LYZL4: variants seen among roughly 807,000 people sequenced by gnomAD.
LYZL4 encodes the protein lysozyme-like protein 4.
Under a neutral mutation model 17.6 loss-of-function variants are expected in LYZL4, and 13 were observed. The observed-to-expected ratio is 0.74, with a 90% CI of 0.48 to 1.18. LYZL4 has a LOEUF of 1.18. Ranked by LOEUF, LYZL4 falls within the 50% of genes most tolerant of loss-of-function variation. LYZL4 has a pLI of 0.00. For missense variants in LYZL4, 174 were observed against 188.2 expected, an observed-to-expected ratio of 0.92 and a Z score of 0.44; for synonymous variants, 64 against 67.7, an observed-to-expected ratio of 0.95 and a Z score of 0.27.
the LYZL4 span, among the ~76,000 whole-genome samples, chr3:42,371,931 C>T: frequency 1.3e-5 from 2 of 152,174 alleles, no homozygotes; most frequent in Non-Finnish European, 2.9e-5. Context: ...GTTAATAGGG[C>T]GGGCATCACC....
At chr3:42,392,516 AT>A (rs563573225), downstream of LYZL4, among the ~76,000 whole-genome samples, 281 of 152,250 alleles carry the variant, frequency 1.8e-3, 3 homozygotes, top group African/African-American at 6.4e-3. Context: ...ATTTTGTGGG[AT>A]TTTTTCTTCT....
intron 4 of LYZL4, among the ~76,000 whole-genome samples, chr3:42,399,638 T>C (rs1698618946): frequency 6.6e-6 from 1 of 152,168 alleles, no homozygotes; most frequent in Non-Finnish European, 1.5e-5. Flanking sequence ...GGTACATTTT[T>C]CTCTGATTTC....
chr3:42,375,647 G>A, the LYZL4 span, among the ~76,000 whole-genome samples: 3 of 152,238 alleles, frequency 2.0e-5, no homozygotes, highest in Admixed American at 6.5e-5. Flanking sequence ...GAGGCAGGCT[G>A]GGGGCTGAGG....
chr3:42,373,423 T>C, the LYZL4 span, among the ~76,000 whole-genome samples: 3 of 152,058 alleles, frequency 2.0e-5, no homozygotes, highest in Non-Finnish European at 2.9e-5. Flanking sequence ...TAGGGCAACA[T>C]GGGACTGTGT....
At chr3:42,376,312 G>T in the LYZL4 span, among the ~76,000 whole-genome samples, 1 of 152,092 alleles carries the variant, frequency 6.6e-6, no homozygotes, top group Admixed American at 6.5e-5. Flanking sequence ...AACATTGTTG[G>T]TGCCCCCCCA....
intron 3 of LYZL4, 96 bp downstream of exon 3, chr3:42,406,750 G>T: frequency 6.7e-7 from 1 of 1,499,778 alleles, no homozygotes; most frequent in Non-Finnish European, 9.1e-7. Flanking sequence ...CCTCTTCTTT[G>T]TAAAACTTTG....
chr3:42,364,469 A>G, the LYZL4 span, among the ~76,000 whole-genome samples: 20 of 150,796 alleles, frequency 1.3e-4, no homozygotes, highest in African/African-American at 4.9e-4. Context: ...CAGCCTCCCA[A>G]GTAGCTGGGA....
chr3:42,391,459 G>A, the LYZL4 span, among the ~76,000 whole-genome samples: 16 of 152,214 alleles, frequency 1.1e-4, 1 homozygote, highest in South Asian at 3.3e-3. Flanking sequence ...GAATATAGGT[G>A]GCCCAAAAGA....
the LYZL4 span, among the ~76,000 whole-genome samples, chr3:42,379,712 A>C: frequency 1.3e-5 from 2 of 152,118 alleles, no homozygotes; most frequent in African/African-American, 4.8e-5. Context: ...GCAAAATCCC[A>C]AACTCCTCAA....
the LYZL4 span, among the ~76,000 whole-genome samples, chr3:42,378,026 C>T: frequency 6.6e-6 from 1 of 152,106 alleles, no homozygotes; most frequent in Non-Finnish European, 1.5e-5. Context: ...TCAGGGATGG[C>T]CAAGGGGGTG....
chr3:42,396,735 T>C (rs1698555007), downstream of LYZL4, among the ~76,000 whole-genome samples: 1 of 152,258 alleles, frequency 6.6e-6, no homozygotes, highest in Non-Finnish European at 1.5e-5. Context: ...TTTATAACTT[T>C]CAGAGACTTT....
the LYZL4 span, among the ~76,000 whole-genome samples, chr3:42,373,032 C>T: frequency 7.2e-5 from 11 of 152,026 alleles, no homozygotes; most frequent in African/African-American, 2.4e-4. Context: ...CATGGTGAGA[C>T]CTTGTCTCCA....
the LYZL4 span, among the ~76,000 whole-genome samples, chr3:42,363,497 T>G: frequency 6.6e-6 from 1 of 152,198 alleles, no homozygotes; most frequent in Non-Finnish European, 1.5e-5. Flanking sequence ...TGTTAACAAT[T>G]GTTCAATCTA....
chr3:42,384,229 T>G, the LYZL4 span, among the ~76,000 whole-genome samples: 2 of 152,164 alleles, frequency 1.3e-5, no homozygotes, highest in African/African-American at 4.8e-5. Flanking sequence ...GTCTCAAGTA[T>G]CAAGGTGGAA....
chr3:42,385,895 A>C, the LYZL4 span, among the ~76,000 whole-genome samples: 1 of 152,186 alleles, frequency 6.6e-6, no homozygotes, highest in Non-Finnish European at 1.5e-5. Context: ...ATGGCCACAA[A>C]GTTAGTGACT....
intron 4 of LYZL4, among the ~76,000 whole-genome samples, chr3:42,398,350 G>C (rs557988834): frequency 6.6e-6 from 1 of 152,260 alleles, no homozygotes; most frequent in South Asian, 2.1e-4. Flanking sequence ...GCCTGGCTTA[G>C]CATAGCTCCA....
Position 42,407,264 on chromosome 3 carries a change from C to T in LYZL4, c.-13G>A. 6 of 1,614,008 alleles carry T rather than the reference C, an allele frequency of 3.7e-6. No homozygotes were observed. The highest frequency in any genetic ancestry group is 5.1e-6 in the Non-Finnish European group (6 of 1,179,996). ...CGGATGCCTTCATCTTCTCCAGGCT[C>T]CTGGCAGGTCAGGGCAACGGTGGCC... On this transcript the variant is annotated 5_prime_UTR_variant, in exon 2 of 5. Transcript: ENST00000287748.
the LYZL4 span, among the ~76,000 whole-genome samples, chr3:42,361,051 A>G: frequency 6.6e-6 from 1 of 152,138 alleles, no homozygotes; most frequent in Non-Finnish European, 1.5e-5. Flanking sequence ...TTCCACTCGT[A>G]TCCCCTCCTT....
At chr3:42,394,869 A>G (rs1698530684), downstream of LYZL4, among the ~76,000 whole-genome samples, 1 of 152,200 alleles carries the variant, frequency 6.6e-6, no homozygotes, top group Non-Finnish European at 1.5e-5. Context: ...TCGAGGAGAT[A>G]GTGTTTTCAT....
Sources: allele counts gnomAD v4.1 joint callset (sites outside exome capture counted in the v4.1 genomes callset), GRCh38; gene constraint gnomAD v4.1.1; transcripts MANE v1.5; gene names NCBI Gene and HGNC (gene_info 2026-07-23, HGNC 2026-07-21).